ANKS1B: variants seen among roughly 807,000 people sequenced by gnomAD.
ANKS1B encodes the protein ankyrin repeat and sterile alpha motif domain-containing protein 1B.
ANKS1B carries 36 observed loss-of-function variants against 148.3 expected under a neutral mutation model. The observed-to-expected ratio is 0.24, with a 90% CI of 0.19 to 0.32. The LOEUF is 0.32. ANKS1B is among the 10% of genes least tolerant of loss of function. ANKS1B has a pLI of 1.00. For synonymous variants in ANKS1B, 542 were observed against 560.8 expected, an observed-to-expected ratio of 0.97 and a Z score of 0.47; for missense variants, 1,157 against 1,542.6, an observed-to-expected ratio of 0.75 and a Z score of 4.19.
chr12:99,783,622 T>C (rs2064615821), intron 4 of ANKS1B, among the ~76,000 whole-genome samples: 1 of 152,092 alleles, frequency 6.6e-6, no homozygotes, highest in Non-Finnish European at 1.5e-5. Context: ...GTGAAATAAG[T>C]CAGGCACAGA....
At chr12:99,340,876 T>C (rs1262483833) in intron 12 of ANKS1B, among the ~76,000 whole-genome samples, 1 of 152,128 alleles carries the variant, frequency 6.6e-6, no homozygotes, top group East Asian at 1.9e-4. Context: ...AAAATACAGA[T>C]AAGCATAAAG....
At chr12:99,159,724 ATTTTC>A (rs1364010041) in intron 14 of ANKS1B, among the ~76,000 whole-genome samples, 1 of 152,056 alleles carries the variant, frequency 6.6e-6, no homozygotes, top group Non-Finnish European at 1.5e-5. Flanking sequence ...AGAATGATTT[ATTTTC>A]TTTTGGATAT....
chr12:98,734,983 C>T (rs911988109), exon 10 of ANKS1B: 9 of 385,388 alleles, frequency 2.3e-5, no homozygotes, highest in African/African-American at 6.2e-5. Flanking sequence ...TGCGGTGGCA[C>T]GTGCCTGTAA....
intron 8 of ANKS1B, among the ~76,000 whole-genome samples, chr12:99,743,063 C>G (rs1329162680): frequency 6.6e-6 from 1 of 152,138 alleles, no homozygotes; most frequent in Non-Finnish European, 1.5e-5. Context: ...TAAGTGCTTT[C>G]TCTAGTTTAT....
At chr12:99,622,759 C>T (rs1361486026) in intron 9 of ANKS1B, among the ~76,000 whole-genome samples, 1 of 151,912 alleles carries the variant, frequency 6.6e-6, no homozygotes, top group African/African-American at 2.4e-5. Flanking sequence ...TAAGAAAAAA[C>T]TTACCCACCA....
At chr12:99,848,541 T>C (rs549863619) in intron 1 of ANKS1B, among the ~76,000 whole-genome samples, 22 of 152,248 alleles carry the variant, frequency 1.4e-4, no homozygotes, top group African/African-American at 4.8e-4. Flanking sequence ...TGGAACTGAA[T>C]AGAACCCAGA....
intron 17 of ANKS1B, among the ~76,000 whole-genome samples, chr12:98,939,624 T>A (rs1369806628): frequency 6.6e-6 from 1 of 152,232 alleles, no homozygotes; most frequent in African/African-American, 2.4e-5. Context: ...AAGTACAAAC[T>A]GCACTTCTTT....
At chr12:99,912,352 CA>C (rs2153788137) in intron 1 of ANKS1B, among the ~76,000 whole-genome samples, 1 of 128,072 alleles carries the variant, frequency 7.8e-6, no homozygotes, top group East Asian at 2.0e-4. Flanking sequence ...GTTTCCCAAT[CA>C]ATTTTTTTTT....
At chr12:99,547,278 C>G (rs2097179666) in intron 9 of ANKS1B, among the ~76,000 whole-genome samples, 1 of 152,080 alleles carries the variant, frequency 6.6e-6, no homozygotes, top group African/African-American at 2.4e-5. Context: ...TAGGAGATAA[C>G]ATGTGGGAAA....
intron 8 of ANKS1B, among the ~76,000 whole-genome samples, chr12:99,662,315 A>G (rs1253281635): frequency 6.6e-6 from 1 of 152,098 alleles, no homozygotes; most frequent in Non-Finnish European, 1.5e-5. Context: ...TGCTTTTCTA[A>G]TAGCAATTAT....
chr12:99,344,359 T>C (rs1459801809), intron 12 of ANKS1B, among the ~76,000 whole-genome samples: 1 of 152,090 alleles, frequency 6.6e-6, no homozygotes, highest in Non-Finnish European at 1.5e-5. Flanking sequence ...TATATCTCTC[T>C]TTGTAGCACT....
intron 17 of ANKS1B, among the ~76,000 whole-genome samples, chr12:98,938,019 A>C (rs1489928500): frequency 6.6e-6 from 1 of 152,116 alleles, no homozygotes; most frequent in African/African-American, 2.4e-5. Context: ...ATCACCTCTT[A>C]CCAGGTTCTT....
intron 14 of ANKS1B, among the ~76,000 whole-genome samples, chr12:99,190,261 C>A (rs1477445460): frequency 2.0e-5 from 3 of 152,182 alleles, no homozygotes; most frequent in South Asian, 2.1e-4. Context: ...AACGTCCATA[C>A]TACCCAAAGC....
chr12:99,131,909 C>A (rs2153750940), intron 15 of ANKS1B, among the ~76,000 whole-genome samples: 1 of 152,252 alleles, frequency 6.6e-6, no homozygotes, highest in African/African-American at 2.4e-5. Flanking sequence ...CCCTGCCTCT[C>A]CTGATCCCTC....
At chr12:99,149,101 C>T (rs2074132549) in intron 15 of ANKS1B, among the ~76,000 whole-genome samples, 1 of 151,912 alleles carries the variant, frequency 6.6e-6, no homozygotes, top group Non-Finnish European at 1.5e-5. Flanking sequence ...CTTTTAAGGA[C>T]AATTAATTTT....
At chr12:99,175,224 C>A (rs930048305) in intron 14 of ANKS1B, among the ~76,000 whole-genome samples, 2 of 152,166 alleles carry the variant, frequency 1.3e-5, no homozygotes, top group Admixed American at 1.3e-4. Flanking sequence ...CAAATAACAT[C>A]TTTAAGTTTC....
chr12:99,346,122 T>C (rs1456438614), intron 12 of ANKS1B, among the ~76,000 whole-genome samples: 1 of 152,034 alleles, frequency 6.6e-6, no homozygotes. Flanking sequence ...TCCAATTTAT[T>C]ATCCTTGTCT....
intron 8 of ANKS1B, among the ~76,000 whole-genome samples, chr12:99,758,734 C>T (rs2061800943): frequency 1.3e-5 from 2 of 151,858 alleles, no homozygotes; most frequent in South Asian, 4.1e-4. Context: ...TATAATGTCA[C>T]ATACAATACA....
At chr12:99,144,567 T>C (rs1404344739) in intron 15 of ANKS1B, among the ~76,000 whole-genome samples, 1 of 152,036 alleles carries the variant, frequency 6.6e-6, no homozygotes, top group African/African-American at 2.4e-5. Flanking sequence ...AGGCTACACA[T>C]ATACACACAT....
Sources: gnomAD v4.1 joint callset for allele counts (sites outside exome capture counted in the v4.1 genomes callset) on GRCh38, gnomAD v4.1.1 for gene constraint, MANE v1.5 for transcripts, NCBI Gene and HGNC (gene_info 2026-07-23, HGNC 2026-07-21) for gene names.